The following CNTNAP5 variants were observed in gnomAD, a reference collection of about 807,000 sequenced individuals.
CNTNAP5 encodes contactin-associated protein-like 5.
Under a neutral mutation model 150.2 loss-of-function variants are expected in CNTNAP5, and 72 were observed. The observed-to-expected ratio is 0.48, with a 90% CI of 0.40 to 0.58. The LOEUF is 0.58. Among genes scored for constraint, CNTNAP5 ranks in the 20% least tolerant of loss-of-function variants. The probability of loss-of-function intolerance (pLI) is 0.00; values close to 1 mark genes in which losing one functional copy is unlikely to be tolerated. For synonymous variants in CNTNAP5, 672 were observed against 619.8 expected (o/e 1.08, Z -1.25); for missense variants, 1,636 against 1,626.2 (o/e 1.01, Z -0.10).
At chr2:124,067,691 T>C (rs961100454) in intron 1 of CNTNAP5, among the ~76,000 whole-genome samples, 2 of 152,184 alleles carry the variant, frequency 1.3e-5, no homozygotes, top group African/African-American at 4.8e-5. Context: ...TAATTTCAAC[T>C]ATACTTTTTA....
chr2:124,206,738 C>A (rs1685873818), intron 1 of CNTNAP5, among the ~76,000 whole-genome samples: 1 of 152,090 alleles, frequency 6.6e-6, no homozygotes, highest in African/African-American at 2.4e-5. Flanking sequence ...TTCATGCTCA[C>A]AATAAAGTTT....
chr2:124,808,080 G>A (rs151307139), intron 19 of CNTNAP5, among the ~76,000 whole-genome samples: 312 of 152,230 alleles, frequency 2.0e-3, no homozygotes, highest in African/African-American at 7.1e-3. Context: ...CTCCAGCTCC[G>A]ATACCCACCA....
At chr2:124,206,364 A>G (rs537899034) in intron 1 of CNTNAP5, among the ~76,000 whole-genome samples, 1 of 152,344 alleles carries the variant, frequency 6.6e-6, no homozygotes, top group Admixed American at 6.5e-5. Flanking sequence ...GATGACAGCA[A>G]CAGTGCAGAT....
chr2:124,913,291 G>A lies in CNTNAP5; in HGVS notation c.3728-801G>A, dbSNP rs544981517. Among the ~76,000 whole-genome samples the A allele has an allele frequency of 2.8e-4, 42 of 152,120 alleles. 1 individual carries two copies. The highest frequency in any genetic ancestry group is 2.1e-3 in the South Asian group (10 of 4,818). On this transcript the variant is annotated intron_variant, in intron 23 of 23. Transcript: ENST00000682447. ...ACATTCATGCAGAGACACATCTGCC[G>A]CTTCCATGTTTTCACTATTCCTTTA...
chr2:124,771,837 T>C (rs535391384), intron 16 of CNTNAP5, among the ~76,000 whole-genome samples: 2 of 143,922 alleles, frequency 1.4e-5, no homozygotes, highest in South Asian at 2.2e-4. Context: ...CCACCACCAC[T>C]ATCAACACCA....
intron 3 of CNTNAP5, among the ~76,000 whole-genome samples, chr2:124,383,431 A>G (rs547328255): frequency 6.6e-6 from 1 of 152,262 alleles, no homozygotes; most frequent in South Asian, 2.1e-4. Flanking sequence ...TGTCTGCACC[A>G]TGAAACCTTT....
intron 10 of CNTNAP5, among the ~76,000 whole-genome samples, chr2:124,544,233 A>G (rs1389855689): frequency 1.3e-5 from 2 of 152,176 alleles, no homozygotes; most frequent in Non-Finnish European, 2.9e-5. Flanking sequence ...GCTTGGACTA[A>G]GGCTAATGTT....
chr2:124,298,822 C>A (rs1239253010), intron 3 of CNTNAP5, among the ~76,000 whole-genome samples: 2 of 152,114 alleles, frequency 1.3e-5, no homozygotes, highest in South Asian at 2.1e-4. Context: ...TACCTTCCAG[C>A]CTTTTTGTAA....
At chr2:124,496,404 G>C (rs1694148642) in intron 7 of CNTNAP5, among the ~76,000 whole-genome samples, 1 of 152,160 alleles carries the variant, frequency 6.6e-6, no homozygotes, top group Non-Finnish European at 1.5e-5. Flanking sequence ...ATTGGATGAA[G>C]ATCATTTTCT....
intron 11 of CNTNAP5, among the ~76,000 whole-genome samples, chr2:124,584,476 T>C (rs1453179599): frequency 6.6e-6 from 1 of 152,148 alleles, no homozygotes; most frequent in Non-Finnish European, 1.5e-5. Flanking sequence ...GAAGTAAATA[T>C]CCTCTAAGTG....
chr2:124,486,130 G>A (rs1693875291), intron 7 of CNTNAP5, among the ~76,000 whole-genome samples: 1 of 152,144 alleles, frequency 6.6e-6, no homozygotes, highest in Non-Finnish European at 1.5e-5. Context: ...CCATAAAAAG[G>A]AACAAAATAA....
intron 19 of CNTNAP5, among the ~76,000 whole-genome samples, chr2:124,853,157 C>A (rs966167231): frequency 1.3e-5 from 2 of 152,198 alleles, no homozygotes; most frequent in Non-Finnish European, 2.9e-5. Context: ...GAACTCTTAT[C>A]CCTCAGTGGT....
At chr2:124,556,682 A>G (rs1181468661) in intron 10 of CNTNAP5, among the ~76,000 whole-genome samples, 1 of 152,108 alleles carries the variant, frequency 6.6e-6, no homozygotes, top group Non-Finnish European at 1.5e-5. Context: ...GAGAGTCAGG[A>G]CAGCTTCTGA....
At chr2:124,454,877 C>T (rs1314147451) in intron 6 of CNTNAP5, among the ~76,000 whole-genome samples, 1 of 152,048 alleles carries the variant, frequency 6.6e-6, no homozygotes, top group Non-Finnish European at 1.5e-5. Context: ...ATCAAAACCT[C>T]TGGGATACAG....
At chr2:124,637,774 A>C (rs1678001945) in intron 12 of CNTNAP5, among the ~76,000 whole-genome samples, 1 of 151,572 alleles carries the variant, frequency 6.6e-6, no homozygotes, top group South Asian at 2.1e-4. Flanking sequence ...CCCTGACTCC[A>C]TCTCCCCTTG....
In CNTNAP5 at chr2:124,417,546, G is replaced by T; in HGVS notation, c.485G>T (p.Ser162Ile). Residue 162 changes from serine to isoleucine, a missense_variant, in exon 4 of 24, where the codon AGT (serine) becomes ATT (isoleucine). Ser to Ile is a moderately radical substitution (Grantham distance 142). Coordinates refer to ENST00000682447, the MANE Select transcript of CNTNAP5 (RefSeq NM_001367498.1). ...TTTGTGCCCCTGGAATGGAATCCCA[G>T]TGGGAAGATTGGCATGAGAGTCGAG... Reference protein sequence around the residue: ...VRFVPLEWNPSGKIGMRVEVY... With the variant: ...VRFVPLEWNPIGKIGMRVEVY... The T allele has an allele frequency of 6.2e-7, 1 of 1,613,782 alleles. No homozygotes were observed. Among genetic ancestry groups the T allele is most frequent in the Non-Finnish European group, 8.5e-7 (1 of 1,179,800 alleles).
At chr2:124,567,081 T>G (rs770627738) in intron 11 of CNTNAP5, among the ~76,000 whole-genome samples, 7 of 152,190 alleles carry the variant, frequency 4.6e-5, no homozygotes, top group Non-Finnish European at 8.8e-5. Context: ...GTCAAGCTCT[T>G]CGAAAACAGT....
At chr2:124,497,005 C>G (rs1478752635) in intron 7 of CNTNAP5, among the ~76,000 whole-genome samples, 2 of 152,186 alleles carry the variant, frequency 1.3e-5, no homozygotes, top group Non-Finnish European at 2.9e-5. Flanking sequence ...GACTCAAGGT[C>G]AGACCAGAGC....
At chr2:124,161,819 G>A (rs1276642185) in intron 1 of CNTNAP5, among the ~76,000 whole-genome samples, 1 of 152,126 alleles carries the variant, frequency 6.6e-6, no homozygotes, top group Non-Finnish European at 1.5e-5. Context: ...TCATTAAACA[G>A]ATCTTGATGA....
Sources: gnomAD v4.1 joint callset for allele counts (sites outside exome capture counted in the v4.1 genomes callset) on GRCh38, gnomAD v4.1.1 for gene constraint, MANE v1.5 for transcripts, NCBI Gene and HGNC (gene_info 2026-07-23, HGNC 2026-07-21) for gene names.